The following TMEM108 variants were observed in gnomAD, a reference collection of about 807,000 sequenced individuals.
TMEM108 encodes the protein transmembrane protein 108.
Under a neutral mutation model 35.1 loss-of-function variants are expected in TMEM108, and 12 were observed. The ratio of observed to expected loss-of-function variants is 0.34; its 90% CI spans 0.22 to 0.55. The LOEUF (loss-of-function observed/expected upper bound fraction) is 0.55, where lower values mean the gene tolerates loss of function less well. Ranked by LOEUF, TMEM108 falls within the 20% of genes least tolerant of loss-of-function variation. The pLI, the probability that TMEM108 is intolerant of heterozygous loss-of-function variation, is 0.89. For missense variants in TMEM108, 680 were observed against 753.3 expected, an observed-to-expected ratio of 0.90 and a Z score of 1.14; for synonymous variants, 287 against 308.6, an observed-to-expected ratio of 0.93 and a Z score of 0.73.
rs114443174 is a variant in TMEM108 at position 133,271,685 on chromosome 3, C to T, written c.40+42334C>T. Among the ~76,000 whole-genome samples, 553 of 152,262 alleles carry T rather than the reference C, an allele frequency of 3.6e-3. 1 individual carries two copies. Among genetic ancestry groups the T allele is most frequent in the African/African-American group, 0.013 (529 of 41,536 alleles). ...ATTAACACAACAGACGCTGCTCTGA[C>T]TCTCCTATAGGAGTCAGAGGAGACA... On this transcript the variant is annotated intron_variant, in intron 3 of 5. Transcript: ENST00000321871.
intron 2 of TMEM108, among the ~76,000 whole-genome samples, chr3:133,158,276 C>T (rs559595884): frequency 4.7e-4 from 72 of 151,684 alleles, no homozygotes; most frequent in Non-Finnish European, 8.3e-4. Context: ...GAGACCATCC[C>T]GGCCAACATG....
chr3:133,150,332 A>G (rs1232705723), intron 2 of TMEM108, among the ~76,000 whole-genome samples: 2 of 103,102 alleles, frequency 1.9e-5, no homozygotes, highest in African/African-American at 8.5e-5. Flanking sequence ...TAAAAAAATC[A>G]GGTTATTTGG....
intron 2 of TMEM108, among the ~76,000 whole-genome samples, chr3:133,089,244 A>G (rs1943919234): frequency 6.6e-6 from 1 of 152,192 alleles, no homozygotes; most frequent in Non-Finnish European, 1.5e-5. Context: ...AGGGACACAG[A>G]TCCAAACCAT....
At chr3:133,070,176 C>T (rs115035170) in intron 2 of TMEM108, among the ~76,000 whole-genome samples, 35 of 152,256 alleles carry the variant, frequency 2.3e-4, no homozygotes, top group Admixed American at 5.2e-4. Flanking sequence ...AGCCTTACCA[C>T]ACCTTTTTTT....
chr3:133,207,072 T>A lies in TMEM108; in HGVS notation c.-46-22194T>A, dbSNP rs534348822. ...GGAGCTGTGGTGGGGCTCTGCCCAGTTTGAACTTCCCAGTGGCTTTGTTTA... is the reference window on the plus strand; with the variant it reads ...GGAGCTGTGGTGGGGCTCTGCCCAGATTGAACTTCCCAGTGGCTTTGTTTA... On this transcript the variant is annotated intron_variant, in intron 2 of 5. Coordinates refer to ENST00000321871, the MANE Select transcript of TMEM108 (RefSeq NM_023943.4). 2.6e-5 allele frequency among the ~76,000 whole-genome samples: 4 copies of A among 152,288 alleles called. No homozygotes were observed. The South Asian group carries it at 6.2e-4, about 24-fold the overall frequency.
chr3:133,181,010 A>T (rs1945331118), intron 2 of TMEM108, among the ~76,000 whole-genome samples: 3 of 25,638 alleles, frequency 1.2e-4, no homozygotes, highest in Non-Finnish European at 1.8e-4. Context: ...AGTTGTGTTA[A>T]AAAAAAAAAA....
At chr3:133,347,789 A>G (rs886852512) in intron 3 of TMEM108, among the ~76,000 whole-genome samples, 4 of 152,124 alleles carry the variant, frequency 2.6e-5, no homozygotes, top group Non-Finnish European at 5.9e-5. Context: ...GTGACTATGT[A>G]GAATATATAA....
At chr3:133,115,733 TA>T (rs1217112201) in intron 2 of TMEM108, among the ~76,000 whole-genome samples, 3 of 152,218 alleles carry the variant, frequency 2.0e-5, no homozygotes, top group African/African-American at 2.4e-5. Flanking sequence ...TCTTAGAAGA[TA>T]GGGGGAGGAA....
intron 2 of TMEM108, among the ~76,000 whole-genome samples, chr3:133,114,860 G>T (rs866799360): frequency 6.6e-6 from 1 of 152,162 alleles, no homozygotes; most frequent in Non-Finnish European, 1.5e-5. Flanking sequence ...TACTCGAGAT[G>T]CAAGGAATAC....
rs116683423 is a variant in TMEM108, at chr3:133,326,993, A to G, written c.41-52759A>G. On this transcript the variant is annotated intron_variant, in intron 3 of 5. Coordinates refer to ENST00000321871, the MANE Select transcript of TMEM108 (RefSeq NM_023943.4). Reference sequence around the variant, plus strand: ...AGTTTAACAGATGCTTCTTTGAAACATGAATGCCTCAGAAGCCTTTCAGGT... The same window carrying G: ...AGTTTAACAGATGCTTCTTTGAAACGTGAATGCCTCAGAAGCCTTTCAGGT... Among the ~76,000 whole-genome samples, 421 of 152,348 alleles carry G rather than the reference A, an allele frequency of 2.8e-3. 4 individuals carry two copies. The highest frequency in any genetic ancestry group is 9.6e-3 in the African/African-American group (401 of 41,586).
At chr3:133,200,233 G>A (rs535126879) in intron 2 of TMEM108, among the ~76,000 whole-genome samples, 7 of 152,242 alleles carry the variant, frequency 4.6e-5, no homozygotes, top group Admixed American at 3.3e-4. Context: ...GCAATGCCTC[G>A]CCCTGCTTCT....
intron 2 of TMEM108, among the ~76,000 whole-genome samples, chr3:133,150,342 G>GTTTTTTTTTTTTTTTTTTTT (rs10663538): frequency 9.1e-6 from 1 of 109,692 alleles, no homozygotes; most frequent in African/African-American, 3.7e-5. Flanking sequence ...AGGTTATTTG[G>GTTTTTTTTTTTTTTTTTTTT]TTTTTTTTTT....
chr3:133,132,581 C>T (rs916641769), intron 2 of TMEM108, among the ~76,000 whole-genome samples: 5 of 152,158 alleles, frequency 3.3e-5, no homozygotes, highest in African/African-American at 9.7e-5. Context: ...CACATGGTCA[C>T]CCAAAAGCTC....
chr3:133,285,479 T>G (rs1382787985), intron 3 of TMEM108, among the ~76,000 whole-genome samples: 1 of 152,188 alleles, frequency 6.6e-6, no homozygotes, highest in Admixed American at 6.5e-5. Context: ...TAAATGGTGT[T>G]TTGAAGCTCT....
At chr3:133,278,077 C>CAGCTGCCA (rs1323575544) in intron 3 of TMEM108, among the ~76,000 whole-genome samples, 1 of 152,230 alleles carries the variant, frequency 6.6e-6, no homozygotes, top group Non-Finnish European at 1.5e-5. Context: ...TTTTCTTCCA[C>CAGCTGCCA]AGCTGCCACA....
intron 2 of TMEM108, among the ~76,000 whole-genome samples, chr3:133,057,834 C>A (rs947678582): frequency 2.6e-5 from 4 of 152,034 alleles, no homozygotes; most frequent in Non-Finnish European, 5.9e-5. Context: ...AGGCTGGCAA[C>A]GGGAGCTTCT....
chr3:133,177,202 C>A (rs1330673803), intron 2 of TMEM108, among the ~76,000 whole-genome samples: 1 of 152,164 alleles, frequency 6.6e-6, no homozygotes, highest in Admixed American at 6.5e-5. Context: ...AAGTCCAGGA[C>A]CAGATGGATT....
intron 2 of TMEM108, among the ~76,000 whole-genome samples, chr3:133,185,693 A>C (rs769949171): frequency 2.0e-4 from 31 of 152,076 alleles, no homozygotes; most frequent in Non-Finnish European, 3.8e-4. Flanking sequence ...TCCAGCTGTC[A>C]GAAAACTTGC....
intron 2 of TMEM108, among the ~76,000 whole-genome samples, chr3:133,215,135 T>C (rs568257945): frequency 6.6e-6 from 1 of 152,162 alleles, no homozygotes; most frequent in Non-Finnish European, 1.5e-5. Flanking sequence ...TACCCTTCTT[T>C]TATGTGTTTC....
Sources: allele counts gnomAD v4.1 joint callset (sites outside exome capture counted in the v4.1 genomes callset), GRCh38; gene constraint gnomAD v4.1.1; transcripts MANE v1.5; gene names NCBI Gene and HGNC (gene_info 2026-07-23, HGNC 2026-07-21).